The following ELOVL7 variants were observed in gnomAD, a reference collection of about 807,000 sequenced individuals.
ELOVL7 encodes very long chain fatty acid elongase 7.
Under a neutral mutation model 35.7 loss-of-function variants are expected in ELOVL7, and 27 were observed. That is an observed-to-expected ratio of 0.76 (90% CI 0.56 to 1.04). The LOEUF is 1.04. Among genes scored for constraint, ELOVL7 ranks in the 50% least tolerant of loss-of-function variants. The pLI is 0.00. For synonymous variants in ELOVL7, 113 were observed against 114.6 expected, an observed-to-expected ratio of 0.99 and a Z score of 0.09; for missense variants, 327 against 340.8, an observed-to-expected ratio of 0.96 and a Z score of 0.32.
chr5:60,796,706 G>A (rs960993099), intron 2 of ELOVL7, among the ~76,000 whole-genome samples: 1 of 152,160 alleles, frequency 6.6e-6, no homozygotes, highest in Non-Finnish European at 1.5e-5. Flanking sequence ...AAATCAACTT[G>A]AGTTTTTCAG....
intron 1 of ELOVL7, among the ~76,000 whole-genome samples, chr5:60,820,840 C>G (rs1038269538): frequency 6.6e-6 from 1 of 152,162 alleles, no homozygotes; most frequent in African/African-American, 2.4e-5. Context: ...ACTTCCTCCC[C>G]TCAACCCCTG....
At chr5:60,781,305 G>A (rs1743241704) in intron 3 of ELOVL7, among the ~76,000 whole-genome samples, 1 of 151,786 alleles carries the variant, frequency 6.6e-6, no homozygotes, top group Non-Finnish European at 1.5e-5. Context: ...GAGTTTAGTT[G>A]ACTTTTGTTT....
At chr5:60,759,632 G>GT (rs968668512) in intron 7 of ELOVL7, among the ~76,000 whole-genome samples, 4 of 149,430 alleles carry the variant, frequency 2.7e-5, no homozygotes, top group Non-Finnish European at 5.9e-5. Flanking sequence ...TTTGTCTAAA[G>GT]TTTTTTTTAT....
At chr5:60,796,646 A>T (rs1053089485) in intron 2 of ELOVL7, among the ~76,000 whole-genome samples, 3 of 152,260 alleles carry the variant, frequency 2.0e-5, no homozygotes, top group African/African-American at 7.2e-5. Flanking sequence ...GCAATTACAC[A>T]TTTGTGTGAG....
intron 1 of ELOVL7, among the ~76,000 whole-genome samples, chr5:60,837,556 C>T (rs1188796557): frequency 6.6e-6 from 1 of 152,178 alleles, no homozygotes; most frequent in Admixed American, 6.5e-5. Context: ...GTAAATGCAG[C>T]CTTGAGTATC....
At chr5:60,803,889 C>G (rs1422243188) in intron 1 of ELOVL7, among the ~76,000 whole-genome samples, 1 of 152,196 alleles carries the variant, frequency 6.6e-6, no homozygotes, top group Non-Finnish European at 1.5e-5. Context: ...CCACTCCCTA[C>G]TACTCCATTA....
At chr5:60,758,227 T>C (rs145241999) in intron 7 of ELOVL7, among the ~76,000 whole-genome samples, 1 of 152,334 alleles carries the variant, frequency 6.6e-6, no homozygotes, top group Non-Finnish European at 1.5e-5. Context: ...ATGTACTCTT[T>C]TGTACCTGGT....
At chr5:60,769,528 T>G (rs1048642286) in intron 4 of ELOVL7, among the ~76,000 whole-genome samples, 1 of 152,208 alleles carries the variant, frequency 6.6e-6, no homozygotes. Context: ...GTCCTTCCCT[T>G]TCAACTTCTT....
intron 2 of ELOVL7, among the ~76,000 whole-genome samples, chr5:60,794,655 G>T (rs1366344642): frequency 6.6e-6 from 1 of 152,306 alleles, no homozygotes; most frequent in South Asian, 2.1e-4. Flanking sequence ...ACCAGCACAT[G>T]GCTTTCTAGG....
At chr5:60,791,609 T>C in intron 2 of ELOVL7, among the ~76,000 whole-genome samples, 1 of 152,228 alleles carries the variant, frequency 6.6e-6, no homozygotes, top group East Asian at 1.9e-4. Context: ...TGGCAGTTTA[T>C]GGAACAAATC....
Position 60,837,448 on chromosome 5 carries a change from C to T in ELOVL7, c.-86+6712G>A, listed in dbSNP as rs545959518. ...CTTCAAACTGGGTGACACAGTGAGA[C>T]TCCACCTCAAAAAAAAGAGAGATTC... On this transcript the variant is annotated intron_variant, in intron 1 of 8. Transcript: ENST00000508821. 7.2e-5 allele frequency among the ~76,000 whole-genome samples: 11 copies of T among 151,826 alleles called. No homozygotes were observed. The East Asian group carries it at 2.1e-3, about 30-fold the overall frequency.
intron 3 of ELOVL7, among the ~76,000 whole-genome samples, chr5:60,781,532 T>G (rs1036915953): frequency 6.6e-6 from 1 of 152,184 alleles, no homozygotes; most frequent in South Asian, 2.1e-4. Context: ...AGGAAAAGCA[T>G]GCTGGGCTGG....
At chr5:60,822,733 C>G (rs1226654472) in intron 1 of ELOVL7, among the ~76,000 whole-genome samples, 2 of 151,688 alleles carry the variant, frequency 1.3e-5, no homozygotes, top group Non-Finnish European at 2.9e-5. Flanking sequence ...AAGGGGAAGG[C>G]CAAAAGATGG....
At chr5:60,834,961 C>T (rs1007749545) in intron 1 of ELOVL7, among the ~76,000 whole-genome samples, 9 of 151,660 alleles carry the variant, frequency 5.9e-5, no homozygotes, top group South Asian at 2.1e-4. Context: ...GAGGCCAAGG[C>T]GGGCAGATCA....
At chr5:60,785,074 C>T (rs1743495342) in intron 3 of ELOVL7, among the ~76,000 whole-genome samples, 1 of 152,158 alleles carries the variant, frequency 6.6e-6, no homozygotes, top group Non-Finnish European at 1.5e-5. Flanking sequence ...ATAACGTGTT[C>T]AAGATCATCC....
intron 3 of ELOVL7, among the ~76,000 whole-genome samples, chr5:60,776,230 C>T (rs532073202): frequency 6.6e-6 from 1 of 152,170 alleles, no homozygotes; most frequent in South Asian, 2.1e-4. Flanking sequence ...CAAATAATTA[C>T]AGAAGTTGTT....
At chr5:60,831,572 G>C (rs1389330127) in intron 1 of ELOVL7, among the ~76,000 whole-genome samples, 1 of 152,200 alleles carries the variant, frequency 6.6e-6, no homozygotes, top group Non-Finnish European at 1.5e-5. Context: ...GGAGGTTTTA[G>C]AGAAATGCTT....
intron 1 of ELOVL7, among the ~76,000 whole-genome samples, chr5:60,814,816 A>G (rs1446107487): frequency 6.6e-6 from 1 of 152,226 alleles, no homozygotes; most frequent in Admixed American, 6.5e-5. Flanking sequence ...AATGAATTTC[A>G]TCAATCAACC....
chr5:60,810,812 G>C (rs747273094), intron 1 of ELOVL7, among the ~76,000 whole-genome samples: 37 of 152,268 alleles, frequency 2.4e-4, no homozygotes, highest in Non-Finnish European at 4.1e-4. Flanking sequence ...GGGTGGAAGG[G>C]CTTCTTAAGC....
Sources: gnomAD v4.1 joint callset for allele counts (sites outside exome capture counted in the v4.1 genomes callset) on GRCh38, gnomAD v4.1.1 for gene constraint, MANE v1.5 for transcripts, NCBI Gene and HGNC (gene_info 2026-07-23, HGNC 2026-07-21) for gene names.